MICAL2: variants seen among roughly 807,000 people sequenced by gnomAD.
The protein encoded by MICAL2 is [F-actin]-monooxygenase MICAL2.
MICAL2 carries 77 observed loss-of-function variants against 127.3 expected under a neutral mutation model. That is an observed-to-expected ratio of 0.60 (90% CI 0.50 to 0.73). The LOEUF is 0.73. Among genes scored for constraint, MICAL2 ranks in the 30% least tolerant of loss-of-function variants. MICAL2 has a pLI of 0.00. For missense variants in MICAL2, 1,351 were observed against 1,434.4 expected, an observed-to-expected ratio of 0.94 and a Z score of 0.94; for synonymous variants, 570 against 551.1, an observed-to-expected ratio of 1.03 and a Z score of -0.48.
intron 15 of MICAL2, among the ~76,000 whole-genome samples, chr11:12,230,993 C>A (rs769337716): frequency 3.9e-5 from 6 of 152,160 alleles, no homozygotes; most frequent in Non-Finnish European, 8.8e-5. Flanking sequence ...GATCTAAAAG[C>A]CTCATGGCAT....
chr11:12,169,417 G>A (rs1281056218), intron 3 of MICAL2, among the ~76,000 whole-genome samples: 4 of 151,716 alleles, frequency 2.6e-5, no homozygotes, highest in African/African-American at 9.7e-5. Context: ...ATGGAATCTT[G>A]CTCTGTCACC....
chr11:12,258,379 T>G (rs577133612), intron 24 of MICAL2, 89 bp from the exon 25 acceptor site: 3 of 987,446 alleles, frequency 3.0e-6, no homozygotes, highest in African/African-American at 3.2e-5. Flanking sequence ...ATTTTCTGAC[T>G]TGGACAGTGG....
At chr11:12,295,811 A>G (rs904701545), downstream of MICAL2, among the ~76,000 whole-genome samples, 6 of 152,132 alleles carry the variant, frequency 3.9e-5, no homozygotes, top group Non-Finnish European at 8.8e-5. Context: ...TATGTTATTT[A>G]ATGAACTATT....
intron 15 of MICAL2, 95 bp from the exon 16 acceptor site, chr11:12,236,082 C>T: frequency 9.5e-7 from 1 of 1,053,766 alleles, no homozygotes; most frequent in Non-Finnish European, 1.5e-6. Context: ...ATCCTCAGCG[C>T]CAGCTCAAAG....
chr11:12,111,291 G>A (rs570172350), intron 1 of MICAL2, among the ~76,000 whole-genome samples: 1 of 152,334 alleles, frequency 6.6e-6, no homozygotes, highest in South Asian at 2.1e-4. Flanking sequence ...AGTGGTCCGA[G>A]GGGCCGCGGC....
intron 1 of MICAL2, chr11:12,276,382 C>A (rs142450126): frequency 2.6e-6 from 1 of 383,980 alleles, no homozygotes. Context: ...AGTGCCCACA[C>A]GTCATAAGCA....
At chr11:12,163,097 A>T (rs2133811932) in intron 3 of MICAL2, among the ~76,000 whole-genome samples, 1 of 151,972 alleles carries the variant, frequency 6.6e-6, no homozygotes, top group Non-Finnish European at 1.5e-5. Context: ...GCATTTCTCT[A>T]CCTAGGACCA....
Position 12,258,538 on chromosome 11 carries a change from G to C in MICAL2, c.3213G>C (p.Glu1071Asp). 6.2e-7 allele frequency: 1 copy of C among 1,613,890 alleles called. No individual in the cohort carries two copies. Among genetic ancestry groups the C allele is most frequent in the Middle Eastern group, 1.6e-4 (1 of 6,062 alleles). Residue 1071 changes from glutamate (E) to aspartate (D), a missense_variant, in exon 25 of 28, where the codon GAG (glutamate) becomes GAC (aspartate). Around this residue, in one of 2 missense-constraint regions of MICAL2, gnomAD observed 752 missense variants for 719.4 expected, o/e 1.05. Transcript: ENST00000683283. ...GCAAACAACGGAAGAGACGGGCAGA[G>C]TTGAAGCAACAAAGAGAGGTATGTT... is the stretch of plus-strand genomic sequence containing the variant. The part of the protein sequence containing the change: ...TNSKQRKRRA[E>D]LKQQREEEAT...
intron 2 of MICAL2, among the ~76,000 whole-genome samples, chr11:12,148,959 G>T (rs1348551723): frequency 6.6e-6 from 1 of 152,156 alleles, no homozygotes; most frequent in African/African-American, 2.4e-5. Context: ...AGAAACTGAG[G>T]TTCAAAGAGG....
downstream of MICAL2, chr11:12,294,033 G>T: frequency 6.2e-7 from 1 of 1,614,198 alleles, no homozygotes; most frequent in South Asian, 1.1e-5. Context: ...ATCCCTGAGA[G>T]TGTGCACCTC....
At chr11:12,307,700 C>G (rs995765692) in intron 29 of MICAL2, among the ~76,000 whole-genome samples, 2 of 152,108 alleles carry the variant, frequency 1.3e-5, no homozygotes, top group Non-Finnish European at 2.9e-5. Flanking sequence ...TGCTTCGGTA[C>G]CACTTGTTTT....
chr11:12,156,501 T>C (rs1405336332), intron 2 of MICAL2, among the ~76,000 whole-genome samples: 1 of 152,066 alleles, frequency 6.6e-6, no homozygotes. Context: ...CGCTCCTCTG[T>C]TTGTGGAAGT....
chr11:12,230,303 G>T (rs987837807), intron 15 of MICAL2, among the ~76,000 whole-genome samples: 1 of 152,138 alleles, frequency 6.6e-6, no homozygotes, highest in Non-Finnish European at 1.5e-5. Flanking sequence ...ATGTCTGCAC[G>T]TAAGACTCTG....
intron 2 of MICAL2, among the ~76,000 whole-genome samples, chr11:12,151,179 T>C (rs1442381835): frequency 6.6e-6 from 1 of 152,160 alleles, no homozygotes. Flanking sequence ...TCCTGTCTTA[T>C]GCTATTTGCA....
At chr11:12,311,854 A>G (rs1864177993) in intron 29 of MICAL2, among the ~76,000 whole-genome samples, 1 of 152,192 alleles carries the variant, frequency 6.6e-6, no homozygotes, top group African/African-American at 2.4e-5. Context: ...AAACAAATGA[A>G]GTCATATAAC....
At chr11:12,213,232 C>T (rs1855732512) in intron 6 of MICAL2, 23 bp from the exon 7 acceptor site, 1 of 1,584,392 alleles carries the variant, frequency 6.3e-7, no homozygotes, top group South Asian at 1.1e-5. Flanking sequence ...GATAGACCCA[C>T]TTTTTCATTT....
chr11:12,194,180 AGGT>A (rs1859571526), intron 3 of MICAL2, among the ~76,000 whole-genome samples: 1 of 152,168 alleles, frequency 6.6e-6, no homozygotes, highest in Non-Finnish European at 1.5e-5. Context: ...AGGAAAGTCT[AGGT>A]GGTGGATGCC....
intron 2 of MICAL2, among the ~76,000 whole-genome samples, chr11:12,158,650 A>G (rs1424021879): frequency 6.6e-6 from 1 of 152,230 alleles, no homozygotes; most frequent in Non-Finnish European, 1.5e-5. Flanking sequence ...AGTATACGAG[A>G]GAATGTGTGT....
rs1864182079 is a variant in MICAL2, at chr11:12,312,170, A to G, written c.5213-7526A>G. Among the ~76,000 whole-genome samples the G allele has an allele frequency of 2.0e-5, 3 of 151,640 alleles. No homozygotes were observed. In the South Asian group the frequency reaches 6.2e-4, roughly 31 times the overall value. On this transcript the variant is annotated intron_variant, in intron 29 of 34. Coordinates refer to the MICAL2 transcript ENST00000646065. ...TAATCATTCTTAATTTTGTATTTTTAGAGTCAAATTTTCGCTTTGTTGATT... is the reference window on the plus strand; with the variant it reads ...TAATCATTCTTAATTTTGTATTTTTGGAGTCAAATTTTCGCTTTGTTGATT...
Sources: allele counts gnomAD v4.1 joint callset (sites outside exome capture counted in the v4.1 genomes callset), GRCh38; gene constraint gnomAD v4.1.1; regional missense constraint gnomAD v4.1.1; transcripts MANE v1.5; gene names NCBI Gene and HGNC (gene_info 2026-07-23, HGNC 2026-07-21).